The following ZNF696 variants were observed in gnomAD, a reference collection of about 807,000 sequenced individuals.
The protein encoded by ZNF696 is zinc finger protein 696.
Under a neutral mutation model 12.3 loss-of-function variants are expected in ZNF696, and 10 were observed. The observed-to-expected ratio is 0.81, with a 90% CI of 0.50 to 1.38. The LOEUF (loss-of-function observed/expected upper bound fraction) is 1.38. Ranked by LOEUF, ZNF696 falls within the 40% of genes most tolerant of loss-of-function variation. The probability of loss-of-function intolerance (pLI) is 0.00; values close to 1 mark genes in which losing one functional copy is unlikely to be tolerated. For missense variants in ZNF696, 675 were observed against 554.7 expected (o/e 1.22, Z -2.18); for synonymous variants, 304 against 243.9 (o/e 1.25, Z -2.29).
Position 143,298,898 on chromosome 8 carries a change from C to T in ZNF696, c.*2098C>T, listed in dbSNP as rs1239152688. Among the ~76,000 whole-genome samples the T allele has an allele frequency of 2.0e-5, 3 of 152,174 alleles. No homozygotes were observed. Among genetic ancestry groups the T allele is most frequent in the South Asian group, 4.1e-4 (2 of 4,832 alleles). On this transcript the variant is annotated 3_prime_UTR_variant, in exon 3 of 3. Transcript: ENST00000330143. ...ACATAGGGCTGGGCACGGTGGCTCACGCCTGTAATTCCAGCACTTTGGGAG... is the reference window on the plus strand; with the variant it reads ...ACATAGGGCTGGGCACGGTGGCTCATGCCTGTAATTCCAGCACTTTGGGAG...
In ZNF696 at chr8:143,297,076, A is replaced by C; in HGVS notation, c.*276A>C. Reference sequence around the variant, plus strand: ...CCCGGGCCGGCCGCCCGCCTCTGAGACTCCCCGCCTCCCACGGTCAGCTGC... The same window carrying C: ...CCCGGGCCGGCCGCCCGCCTCTGAGCCTCCCCGCCTCCCACGGTCAGCTGC... On this transcript the variant is annotated 3_prime_UTR_variant, in exon 3 of 3. Transcript: ENST00000330143. 1 of 358,334 alleles carries C rather than the reference A, an allele frequency of 2.8e-6. No individual in the cohort carries two copies. Among genetic ancestry groups the C allele is most frequent in the Non-Finnish European group, 5.0e-6 (1 of 200,928 alleles). 22.2% of individuals were successfully genotyped at this position (358,334 alleles called of 1,614,324 possible). A position where few individuals can be genotyped will look rare whatever the true frequency, so the allele number is the denominator to read the frequency against.
At chr8:143,293,240 G>T in intron 2 of ZNF696, 175 bp downstream of exon 2, 1 of 609,940 alleles carries the variant, frequency 1.6e-6, no homozygotes, top group South Asian at 2.0e-5. Context: ...TCTGTTTGGT[G>T]ACTGTCTTTG....
rs1344208785 is a variant in ZNF696, at chr8:143,297,702, T to C, written c.*902T>C. On this transcript the variant is annotated 3_prime_UTR_variant, in exon 3 of 3. Transcript: ENST00000330143. ...CGTGGGGTCCCCGGGGCCCACCGTC[T>C]GCACTTGGCATCTGAAGTCGGGGTG... 1 of 152,108 alleles carries C rather than the reference T, an allele frequency of 6.6e-6. No homozygotes were observed. Among genetic ancestry groups the C allele is most frequent in the African/African-American group, 2.4e-5 (1 of 41,402 alleles). 9.4% of individuals were successfully genotyped at this position (152,108 alleles called of 1,614,324 possible). A position where few individuals can be genotyped will look rare whatever the true frequency, so the allele number is the denominator to read the frequency against.
Position 143,295,989 on chromosome 8 carries a change from A to T in ZNF696, c.314A>T (p.Asp105Val). 3 of 1,590,300 alleles carry T rather than the reference A, an allele frequency of 1.9e-6. No homozygotes were observed. Among genetic ancestry groups the T allele is most frequent in the Non-Finnish European group, 2.6e-6 (3 of 1,167,940 alleles). Reference protein sequence around the residue: ...KTGGQSGLESDVPPNAGPGAE... With the variant: ...KTGGQSGLESVVPPNAGPGAE... ...GGAGGACAGAGTGGCCTCGAGTCAG[A>T]CGTCCCTCCGAACGCAGGCCCCGGC... Residue 105 changes from aspartate to valine, a missense_variant, in exon 3 of 3, where the codon GAC (aspartate) becomes GTC (valine). Physicochemically the swap from Asp to Val is radical, Grantham distance 152. Transcript: ENST00000330143.
At chr8:143,295,641 C>T in intron 2 of ZNF696, 99 bp from the exon 3 acceptor site, 1 of 1,291,318 alleles carries the variant, frequency 7.7e-7, no homozygotes, top group Non-Finnish European at 1.0e-6. Context: ...ACACTGACGT[C>T]ACCATCACTG....
At chr8:143,293,091 C>G in intron 2 of ZNF696, 26 bp downstream of exon 2, 2 of 1,587,428 alleles carry the variant, frequency 1.3e-6, no homozygotes, top group Non-Finnish European at 1.7e-6. Context: ...CACAGTCGGG[C>G]CCAGAGTTCC....
Position 143,291,683 on chromosome 8 carries a change from G to T in ZNF696, c.-115G>T, listed in dbSNP as rs1436717717. On this transcript the variant is annotated 5_prime_UTR_variant, in exon 1 of 3. Coordinates refer to ENST00000330143, the MANE Select transcript of ZNF696 (RefSeq NM_030895.3). Reference sequence around the variant, plus strand: ...CCCCGCTGCGCGTCTTCAGGCCTTTGTAAGTTGTCAAATTTCCCACCGGCC... The same window carrying T: ...CCCCGCTGCGCGTCTTCAGGCCTTTTTAAGTTGTCAAATTTCCCACCGGCC... The T allele has an allele frequency of 1.0e-6, 1 of 985,382 alleles. No homozygotes were observed. Among genetic ancestry groups the T allele is most frequent in the African/African-American group, 1.7e-5 (1 of 57,264 alleles). The allele number at this position is 985,382 out of a possible 1,614,324, so 61.0% of individuals were successfully genotyped here.
rs1191690170 is a variant in ZNF696, at chr8:143,296,079, A to G, written c.404A>G (p.Lys135Arg). 2.5e-6 allele frequency: 4 copies of G among 1,599,898 alleles called. No homozygotes were observed. The South Asian group carries it at 3.3e-5, about 13-fold the overall frequency. The change falls in exon 3 of 3, where the codon AAG (lysine) becomes AGG (arginine). Residue 135 changes from lysine (K) to arginine (R), a missense_variant. Coordinates refer to ENST00000330143, the MANE Select transcript of ZNF696 (RefSeq NM_030895.3). ...FPCGACGRSF[K>R]CSSDAAKHRS... ...TGCGGCGCCTGTGGCCGCAGCTTCA[A>G]GTGCTCCTCGGACGCGGCAAAGCAC...
intron 2 of ZNF696, 32 bp from the exon 3 acceptor site, chr8:143,295,708 C>T (rs1815696511): frequency 2.0e-6 from 3 of 1,522,678 alleles, no homozygotes; most frequent in Non-Finnish European, 1.8e-6. Context: ...TCTCTTACAT[C>T]TAAAATCGTT....
At chr8:143,293,949 A>G (rs1036033779) in intron 2 of ZNF696, among the ~76,000 whole-genome samples, 2 of 150,436 alleles carry the variant, frequency 1.3e-5, no homozygotes, top group Admixed American at 1.3e-4. Context: ...CCACCTCCAC[A>G]GGAGCTTCCG....
At position 143,296,030 on chromosome 8, in the gene ZNF696, A is replaced by G. The variant is rs373620784; in HGVS notation, c.355A>G (p.Ser119Gly). ...NAGPGAEGGG[S>G]WKGRPFPCGA... Reference sequence around the variant, plus strand: ...AGGCCCCGGCGCAGAGGGCGGGGGCAGCTGGAAGGGGCGGCCTTTCCCGTG... The same window carrying G: ...AGGCCCCGGCGCAGAGGGCGGGGGCGGCTGGAAGGGGCGGCCTTTCCCGTG... Residue 119 changes from serine to glycine, a missense_variant, in exon 3 of 3, where the codon AGC (serine) becomes GGC (glycine). By Grantham distance (56) the Ser-to-Gly change is moderately conservative. Transcript: ENST00000330143. The G allele has an allele frequency of 7.5e-6, 12 of 1,594,802 alleles. No individual in the cohort carries two copies. In the African/African-American group the frequency reaches 1.5e-4, roughly 20 times the overall value.
At chr8:143,294,131 T>C (rs1287997624) in intron 2 of ZNF696, among the ~76,000 whole-genome samples, 4 of 152,220 alleles carry the variant, frequency 2.6e-5, no homozygotes, top group Admixed American at 2.6e-4. Flanking sequence ...CTGCCTCCTA[T>C]GCAGGCCAAG....
In ZNF696 at chr8:143,296,398, G is replaced by A; in HGVS notation, c.723G>A (p.Glu241=). 6.3e-7 allele frequency: 1 copy of A among 1,580,754 alleles called. No homozygotes were observed. The highest frequency in any genetic ancestry group is 8.6e-7 in the Non-Finnish European group (1 of 1,168,420). The change falls in exon 3 of 3, where the codon GAG becomes GAA. Residue 241 remains glutamate, a synonymous_variant. Coordinates refer to ENST00000330143, the MANE Select transcript of ZNF696 (RefSeq NM_030895.3). ...GGGAGAGGCTGTACGCGTGCGGCGA[G>A]TGCGGGAAGCGCTTCCTGCACAGCT... ...HTGERLYACG[E]CGKRFLHSSN... is the part of the protein sequence containing the mutation.
intron 1 of ZNF696, among the ~76,000 whole-genome samples, chr8:143,292,677 G>A (rs1017206947): frequency 1.3e-5 from 2 of 152,250 alleles, no homozygotes; most frequent in African/African-American, 4.8e-5. Flanking sequence ...TCAGCATGGA[G>A]CTAGGAAGCT....
Position 143,296,547 on chromosome 8 carries a change from G to T in ZNF696, c.872G>T (p.Arg291Leu). Residue 291 changes from arginine (R) to leucine (L), a missense_variant, in exon 3 of 3, where the codon CGG becomes CTG. Arg to Leu is a moderately radical substitution (Grantham distance 102). Transcript: ENST00000330143. ...LQHQRVHTGE[R>L]PFACQDCGRA... ...CACCAGCGCGTGCACACGGGGGAGC[G>T]GCCCTTCGCCTGCCAGGACTGCGGC... 1 of 1,600,604 alleles carries T rather than the reference G, an allele frequency of 6.2e-7. No homozygotes were observed. Among genetic ancestry groups the T allele is most frequent in the Non-Finnish European group, 8.5e-7 (1 of 1,177,616 alleles).
Position 143,296,057 on chromosome 8 carries a change from G to A in ZNF696, c.382G>A (p.Gly128Ser), listed in dbSNP as rs561321739. 56 of 1,592,898 alleles carry A rather than the reference G, an allele frequency of 3.5e-5. No homozygotes were observed. The highest frequency in any genetic ancestry group is 2.5e-4 in the South Asian group (22 of 89,132). Residue 128 changes from glycine to serine, a missense_variant, in exon 3 of 3, where the codon GGC (glycine) becomes AGC (serine). Transcript: ENST00000330143. Reference protein sequence around the residue: ...GSWKGRPFPCGACGRSFKCSS... With the variant: ...GSWKGRPFPCSACGRSFKCSS... ...CTGGAAGGGGCGGCCTTTCCCGTGC[G>A]GCGCCTGTGGCCGCAGCTTCAAGTG...
In ZNF696 at chr8:143,296,610, G is replaced by T; in HGVS notation, c.935G>T (p.Arg312Leu). ...FSRSSFLREH[R>L]RIHTGEKPHQ... ...CGCAGCTCCTTCCTCCGCGAGCACCGCCGCATCCACACCGGGGAGAAGCCC... is the reference window on the plus strand; with the variant it reads ...CGCAGCTCCTTCCTCCGCGAGCACCTCCGCATCCACACCGGGGAGAAGCCC... The change falls in exon 3 of 3, where the codon CGC becomes CTC. Residue 312 changes from arginine (R) to leucine (L), a missense_variant. Arg to Leu is a moderately radical substitution (Grantham distance 102, BLOSUM62 -2). Coordinates refer to ENST00000330143, the MANE Select transcript of ZNF696 (RefSeq NM_030895.3). 1 of 1,585,404 alleles carries T rather than the reference G, an allele frequency of 6.3e-7. No individual in the cohort carries two copies. The highest frequency in any genetic ancestry group is 1.1e-5 in the South Asian group (1 of 89,080).
Position 143,293,084 on chromosome 8 carries a change from AG to A in ZNF696, c.64+20del, listed in dbSNP as rs1452868762. 1 of 1,601,542 alleles carries A rather than the reference AG, an allele frequency of 6.2e-7. No homozygotes were observed. The highest frequency in any genetic ancestry group is 8.6e-7 in the Non-Finnish European group (1 of 1,169,044). Reference sequence around the variant, plus strand: ...CTTGCAGGTGAGGGGACATGTCCACAGTCGGGCCCAGAGTTCCAGGGCAGGA... The same window carrying A: ...CTTGCAGGTGAGGGGACATGTCCACATCGGGCCCAGAGTTCCAGGGCAGGA... On this transcript the variant is annotated intron_variant, in intron 2 of 2. Transcript: ENST00000330143.
At position 143,294,031 on chromosome 8, in the gene ZNF696, G is replaced by A. The variant is rs574388025; in HGVS notation, c.64+966G>A. On this transcript the variant is annotated intron_variant, in intron 2 of 2. Transcript: ENST00000330143. ...GCCGCTTCTCCTCTGCTGCCACAGC[G>A]GACTGCCTGCAGACTGAGAAGTCCT... Among the ~76,000 whole-genome samples, 304 of 152,130 alleles carry A rather than the reference G, an allele frequency of 2.0e-3. 1 individual carries two copies. The highest frequency in any genetic ancestry group is 5.3e-3 in the African/African-American group (218 of 41,510).
Sources: gnomAD v4.1 joint callset for allele counts (sites outside exome capture counted in the v4.1 genomes callset) on GRCh38, gnomAD v4.1.1 for gene constraint, MANE v1.5 for transcripts, NCBI Gene and HGNC (gene_info 2026-07-23, HGNC 2026-07-21) for gene names.